Variants in VWA5B1 observed in about 807,000 individuals in gnomAD.
The protein encoded by VWA5B1 is von Willebrand factor A domain-containing protein 5B1.
A neutral mutation model predicts 118.2 loss-of-function variants in VWA5B1; 115 were observed. That is an observed-to-expected ratio of 0.97 (90% CI 0.84 to 1.14). The LOEUF (loss-of-function observed/expected upper bound fraction) is 1.14. VWA5B1 is among the 50% of genes most tolerant of loss of function. The pLI is 0.00. For missense variants in VWA5B1, 1,596 were observed against 1,603.8 expected, an observed-to-expected ratio of 1.00 and a Z score of 0.08; for synonymous variants, 682 against 658.4, an observed-to-expected ratio of 1.04 and a Z score of -0.55.
Position 20,343,349 on chromosome 1 carries a change from G to A in VWA5B1, c.2582G>A (p.Arg861His). The change falls in exon 16 of 22, where the codon CGC (arginine) becomes CAC (histidine). Residue 861 changes from arginine (R) to histidine (H), a missense_variant. By Grantham distance (29) the Arg-to-His change is conservative. Coordinates refer to ENST00000289815, the MANE Select transcript of VWA5B1 (RefSeq NM_001039500.3). Reference sequence around the variant, plus strand: ...CACCTGGCGGCCCGCGCCATCATCCGCGACTTCGAGCAGCTGGCGGAGCGC... The same window carrying A: ...CACCTGGCGGCCCGCGCCATCATCCACGACTTCGAGCAGCTGGCGGAGCGC... ...FHHLAARAII[R>H]DFEQLAEREG... 3 of 1,540,568 alleles carry A rather than the reference G, an allele frequency of 1.9e-6. No homozygotes were observed. The highest frequency in any genetic ancestry group is 2.7e-5 in the African/African-American group (2 of 73,068).
intron 8 of VWA5B1, among the ~76,000 whole-genome samples, chr1:20,325,036 C>T (rs1350395466): frequency 1.3e-5 from 2 of 152,176 alleles, no homozygotes; most frequent in African/African-American, 4.8e-5. Context: ...AAGCATAAAC[C>T]TAAAACATGC....
chr1:20,330,627 C>A (rs1211849264), intron 10 of VWA5B1, among the ~76,000 whole-genome samples: 3 of 152,244 alleles, frequency 2.0e-5, no homozygotes, highest in African/African-American at 4.8e-5. Flanking sequence ...AGAGGTCCCA[C>A]AGCCAAGGGA....
At chr1:20,333,547 C>T (rs2089631559) in intron 12 of VWA5B1, among the ~76,000 whole-genome samples, 1 of 152,218 alleles carries the variant, frequency 6.6e-6, no homozygotes, top group Non-Finnish European at 1.5e-5. Flanking sequence ...AAGGATAAAG[C>T]CCAGGAAACT....
intron 1 of VWA5B1, among the ~76,000 whole-genome samples, chr1:20,309,065 G>A (rs2088760830): frequency 6.6e-6 from 1 of 152,106 alleles, no homozygotes; most frequent in South Asian, 2.1e-4. Context: ...CTTGGGCGAG[G>A]GTCTTGGGAG....
At chr1:20,340,512 G>T (rs11580208) in intron 14 of VWA5B1, among the ~76,000 whole-genome samples, 4 of 151,958 alleles carry the variant, frequency 2.6e-5, no homozygotes, top group African/African-American at 9.7e-5. Context: ...GGGGAAGCAC[G>T]GTCCGCCTCC....
At chr1:20,293,727 G>A (rs1206317099) in intron 1 of VWA5B1, among the ~76,000 whole-genome samples, 4 of 152,170 alleles carry the variant, frequency 2.6e-5, no homozygotes, top group Non-Finnish European at 4.4e-5. Context: ...AGGTCACCAG[G>A]GGTGCACAAG....
In VWA5B1 at chr1:20,349,121, T is replaced by C. The variant is rs573851222; in HGVS notation, c.2878+763T>C. On this transcript the variant is annotated intron_variant, in intron 18 of 21. Transcript: ENST00000289815. ...AGGTCCTAGAAAGTGCTCACAGACA[T>C]TGATGGGTTTTAAAACAAAAACAGA... is the stretch of plus-strand genomic sequence containing the variant. The C allele has an allele frequency of 2.0e-4, 79 of 393,878 alleles. 1 individual carries two copies. Among genetic ancestry groups the C allele is most frequent in the Middle Eastern group, 3.6e-4 (1 of 2,812 alleles). 24.4% of individuals were successfully genotyped at this position (393,878 alleles called of 1,614,324 possible). A position where few individuals can be genotyped will look rare whatever the true frequency, so the allele number is the denominator to read the frequency against.
chr1:20,340,193 G>A (rs2089837654), intron 14 of VWA5B1, among the ~76,000 whole-genome samples: 1 of 145,284 alleles, frequency 6.9e-6, no homozygotes, highest in South Asian at 2.3e-4. Flanking sequence ...ACACTTATAT[G>A]TGCGCGCACA....
At chr1:20,312,320 T>C (rs988046448) in intron 2 of VWA5B1, among the ~76,000 whole-genome samples, 1 of 152,186 alleles carries the variant, frequency 6.6e-6, no homozygotes, top group Non-Finnish European at 1.5e-5. Context: ...ATTTTTTCGA[T>C]TCTCACTACA....
Position 20,330,199 on chromosome 1 carries a change from G to T in VWA5B1, c.1274G>T (p.Cys425Phe), listed in dbSNP as rs1191539090. ...TYSEDSLAMA[C>F]DDIQRMKADM... ...CTGCAGGACAGCTTGGCCATGGCTTGTGATGACATCCAGAGAATGAAGGCC... is the reference window on the plus strand; with the variant it reads ...CTGCAGGACAGCTTGGCCATGGCTTTTGATGACATCCAGAGAATGAAGGCC... The change falls in exon 10 of 22, where the codon TGT (cysteine) becomes TTT (phenylalanine). Residue 425 changes from cysteine (C) to phenylalanine (F), a missense_variant. Physicochemically the swap from Cys to Phe is radical, Grantham distance 205. Coordinates refer to ENST00000289815, the MANE Select transcript of VWA5B1 (RefSeq NM_001039500.3). 4 of 1,551,626 alleles carry T rather than the reference G, an allele frequency of 2.6e-6. No individual in the cohort carries two copies. Among genetic ancestry groups the T allele is most frequent in the African/African-American group, 1.4e-5 (1 of 73,046 alleles).
intron 2 of VWA5B1, among the ~76,000 whole-genome samples, chr1:20,311,264 C>T (rs575418568): frequency 6.6e-5 from 10 of 152,378 alleles, no homozygotes; most frequent in South Asian, 2.1e-4. Flanking sequence ...TGAGCCACAG[C>T]GCCAGACTGT....
intron 12 of VWA5B1, among the ~76,000 whole-genome samples, chr1:20,335,566 G>T (rs1328288973): frequency 2.6e-5 from 4 of 152,092 alleles, no homozygotes; most frequent in Admixed American, 6.5e-5. Flanking sequence ...CTACTAATAG[G>T]CTACTGTTGA....
rs1202525291 is a variant in VWA5B1 at position 20,358,932 on chromosome 1, G to A, written c.*4669G>A. On this transcript the variant is annotated 3_prime_UTR_variant, in exon 22 of 22. Transcript: ENST00000289815. ...GGGCTTGGCAGCAGCTCCTGGCCAC[G>A]CCTACAGCTCCCAACCGTGGACCTC... Among the ~76,000 whole-genome samples the A allele has an allele frequency of 3.9e-5, 6 of 152,180 alleles. No individual in the cohort carries two copies. The highest frequency in any genetic ancestry group is 1.9e-4 in the East Asian group (1 of 5,182).
rs1196842695 is a variant in VWA5B1 at position 20,348,210 on chromosome 1, A to T, written c.2765-35A>T. 1.9e-6 allele frequency: 3 copies of T among 1,540,304 alleles called. No individual in the cohort carries two copies. The South Asian group carries it at 3.6e-5, about 18-fold the overall frequency. On this transcript the variant is annotated intron_variant, in intron 17 of 21. Coordinates refer to ENST00000289815, the MANE Select transcript of VWA5B1 (RefSeq NM_001039500.3). ...AAAGGCAAAGGACTGGCACATTTGT[A>T]CCCAACCACCCGCTTCCCCTTGTCT...
At chr1:20,307,170 T>C (rs2088680768) in intron 1 of VWA5B1, among the ~76,000 whole-genome samples, 1 of 152,178 alleles carries the variant, frequency 6.6e-6, no homozygotes. Flanking sequence ...CTCACACACT[T>C]GACAAGCCCC....
At chr1:20,293,584 C>A (rs1177124817) in intron 1 of VWA5B1, among the ~76,000 whole-genome samples, 2 of 152,166 alleles carry the variant, frequency 1.3e-5, no homozygotes, top group Non-Finnish European at 2.9e-5. Context: ...GTCTCACAGG[C>A]GTCCTTACTC....
At chr1:20,300,895 C>A (rs1305994202) in intron 1 of VWA5B1, among the ~76,000 whole-genome samples, 1 of 152,234 alleles carries the variant, frequency 6.6e-6, no homozygotes, top group African/African-American at 2.4e-5. Flanking sequence ...TATAGCCAGA[C>A]CATATGTGTG....
chr1:20,350,087 C>G (rs1033250227), intron 18 of VWA5B1, 69 bp from the exon 19 acceptor site: 17 of 1,465,942 alleles, frequency 1.2e-5, no homozygotes, highest in Non-Finnish European at 1.6e-5. Context: ...TAGACCATTG[C>G]TCTCCTGAGG....
intron 1 of VWA5B1, among the ~76,000 whole-genome samples, chr1:20,293,845 A>C (rs2088356861): frequency 6.6e-6 from 1 of 152,158 alleles, no homozygotes. Flanking sequence ...AGGAGGTGAC[A>C]CTAGAGTGGG....
Sources: allele counts gnomAD v4.1 joint callset (sites outside exome capture counted in the v4.1 genomes callset), GRCh38; gene constraint gnomAD v4.1.1; transcripts MANE v1.5; gene names NCBI Gene and HGNC (gene_info 2026-07-23, HGNC 2026-07-21).